MAN1C1: variants seen among roughly 807,000 people sequenced by gnomAD.
MAN1C1 encodes mannosyl-oligosaccharide 1,2-alpha-mannosidase IC.
A neutral mutation model predicts 71.5 loss-of-function variants in MAN1C1; 49 were observed. The observed-to-expected ratio is 0.69, with a 90% CI of 0.54 to 0.87. MAN1C1 has a LOEUF of 0.87. Ranked by LOEUF, MAN1C1 falls within the 40% of genes least tolerant of loss-of-function variation. The pLI is 0.00. For missense variants in MAN1C1, 743 were observed against 835.0 expected, an observed-to-expected ratio of 0.89 and a Z score of 1.36; for synonymous variants, 352 against 343.7, an observed-to-expected ratio of 1.02 and a Z score of -0.27.
chr1:25,627,336 C>A (rs1057447627), intron 1 of MAN1C1, among the ~76,000 whole-genome samples: 1 of 152,080 alleles, frequency 6.6e-6, no homozygotes, highest in African/African-American at 2.4e-5. Context: ...GGCTGGAGTG[C>A]GGTGGTGTGA....
chr1:25,778,083 C>T lies in MAN1C1; in HGVS notation c.1258-22C>T. The T allele has an allele frequency of 2.0e-6, 3 of 1,525,468 alleles. No individual in the cohort carries two copies. The highest frequency in any genetic ancestry group is 2.7e-6 in the Non-Finnish European group (3 of 1,129,980). 94.5% of individuals were successfully genotyped at this position (1,525,468 alleles called of 1,614,324 possible). On this transcript the variant is annotated intron_variant, in intron 8 of 11. Coordinates refer to ENST00000374332, the MANE Select transcript of MAN1C1 (RefSeq NM_020379.4). The surrounding 1 kb of genome is among the most constrained non-coding windows in gnomAD (Gnocchi z 5.5). ...GCCCTCCCACGCCCCTTCTCCCTGC[C>T]CAATCCCCACCTTGCTCCCAGGCGA...
chr1:25,636,805 A>G (rs978757662), intron 1 of MAN1C1, among the ~76,000 whole-genome samples: 1 of 152,222 alleles, frequency 6.6e-6, no homozygotes, highest in South Asian at 2.1e-4. Context: ...AATCTTCACA[A>G]TTTATGTTCC....
At chr1:25,683,659 G>T (rs374848685) in intron 1 of MAN1C1, among the ~76,000 whole-genome samples, 2 of 152,020 alleles carry the variant, frequency 1.3e-5, no homozygotes, top group Admixed American at 6.6e-5. Context: ...GCAGGGGGGT[G>T]GGGGGTAGGG....
chr1:25,748,223 C>T (rs956724264), intron 3 of MAN1C1, among the ~76,000 whole-genome samples: 5 of 152,148 alleles, frequency 3.3e-5, no homozygotes, highest in African/African-American at 7.2e-5. Context: ...TGGGGTCACT[C>T]GACCTCGAAC....
chr1:25,679,391 T>C (rs931027205), intron 1 of MAN1C1, among the ~76,000 whole-genome samples: 2 of 152,106 alleles, frequency 1.3e-5, no homozygotes, highest in Non-Finnish European at 2.9e-5. Context: ...GAGACGGACA[T>C]GAAGACCCAT....
intron 1 of MAN1C1, among the ~76,000 whole-genome samples, chr1:25,648,343 G>T (rs1271188319): frequency 6.6e-6 from 1 of 152,186 alleles, no homozygotes; most frequent in Non-Finnish European, 1.5e-5. Flanking sequence ...TCTTTTTGTT[G>T]TGTTGCACTT....
At chr1:25,756,193 A>C (rs1393913503) in intron 5 of MAN1C1, among the ~76,000 whole-genome samples, 5 of 152,250 alleles carry the variant, frequency 3.3e-5, no homozygotes, top group Non-Finnish European at 7.3e-5. Context: ...CATAATTTAT[A>C]CCTCACAATA....
intron 1 of MAN1C1, 63 bp downstream of exon 1, chr1:25,618,400 G>A: frequency 6.7e-7 from 1 of 1,483,092 alleles, no homozygotes. Flanking sequence ...AAGACCCTCT[G>A]GCGCTCCCAC....
At chr1:25,726,320 G>A (rs1006130454) in intron 2 of MAN1C1, among the ~76,000 whole-genome samples, 8 of 152,126 alleles carry the variant, frequency 5.3e-5, no homozygotes, top group Non-Finnish European at 4.4e-5. Flanking sequence ...TGCCCAACTC[G>A]TTCCTATTTA....
At chr1:25,673,368 T>A (rs1028210589) in intron 1 of MAN1C1, among the ~76,000 whole-genome samples, 4 of 152,202 alleles carry the variant, frequency 2.6e-5, no homozygotes, top group African/African-American at 9.7e-5. Context: ...GTATTGTGGC[T>A]GTGAGCACAG....
At position 25,775,535 on chromosome 1, in the gene MAN1C1, C is replaced by T. The variant is rs890184770; in HGVS notation, c.1258-2570C>T. ...GCTGCTGGTGGCTTCTGCTGTCACACGGCACTCAGAGTCTGAGAGAGAGAC... is the reference window on the plus strand; with the variant it reads ...GCTGCTGGTGGCTTCTGCTGTCACATGGCACTCAGAGTCTGAGAGAGAGAC... On this transcript the variant is annotated intron_variant, in intron 8 of 11. Transcript: ENST00000374332. The surrounding 1 kb of genome is among the most constrained non-coding windows in gnomAD (Gnocchi z 5.1). Among the ~76,000 whole-genome samples, 16 of 152,188 alleles carry T rather than the reference C, an allele frequency of 1.1e-4. No homozygotes were observed. The highest frequency in any genetic ancestry group is 1.0e-4 in the Non-Finnish European group (7 of 68,030).
chr1:25,708,486 T>TG (rs1434313076), intron 2 of MAN1C1, among the ~76,000 whole-genome samples: 13 of 152,330 alleles, frequency 8.5e-5, no homozygotes, highest in African/African-American at 3.1e-4. Context: ...TTGTGACCTG[T>TG]ATCTTCAGCT....
At chr1:25,681,099 AC>A (rs1164484087) in intron 1 of MAN1C1, among the ~76,000 whole-genome samples, 7 of 151,544 alleles carry the variant, frequency 4.6e-5, no homozygotes, top group Non-Finnish European at 8.8e-5. Context: ...AAAAAAGCAT[AC>A]CTGTAATCCC....
At chr1:25,667,070 C>G (rs1460138964) in intron 1 of MAN1C1, among the ~76,000 whole-genome samples, 2 of 152,078 alleles carry the variant, frequency 1.3e-5, no homozygotes, top group Admixed American at 1.3e-4. Flanking sequence ...AGCAGCAGAC[C>G]TAGAGAAGGT....
chr1:25,653,973 G>T (rs1365629699), intron 1 of MAN1C1, among the ~76,000 whole-genome samples: 1 of 152,132 alleles, frequency 6.6e-6, no homozygotes, highest in Non-Finnish European at 1.5e-5. Flanking sequence ...ATAACCAAAG[G>T]ATAGCATCCA....
At chr1:25,768,727 T>C (rs1572208498) in intron 7 of MAN1C1, among the ~76,000 whole-genome samples, 3 of 76,334 alleles carry the variant, frequency 3.9e-5, no homozygotes, top group Admixed American at 1.5e-4. Context: ...TCCCCCTACA[T>C]ACACTCCCCT....
chr1:25,747,158 G>T (rs1003558109), intron 3 of MAN1C1, among the ~76,000 whole-genome samples: 1 of 152,240 alleles, frequency 6.6e-6, no homozygotes, highest in Non-Finnish European at 1.5e-5. Context: ...GTGGAGGGGG[G>T]ACGTGGCTCA....
chr1:25,618,085 C>A lies in MAN1C1; in HGVS notation c.288C>A (p.Pro96=). ...CGCCGGCCCCGGGCGAGGATGACCC[C>A]AGCAGCTGGGCCAGTCCCCGCCGCA... ...PAAPAPGEDD[P]SSWASPRRRK... Residue 96 remains proline, a synonymous_variant, in exon 1 of 12, where the codon CCC becomes CCA. Transcript: ENST00000374332. 1 of 1,526,636 alleles carries A rather than the reference C, an allele frequency of 6.6e-7. No homozygotes were observed. The allele number at this position is 1,526,636 out of a possible 1,614,324, so 94.6% of individuals were successfully genotyped here.
intron 1 of MAN1C1, among the ~76,000 whole-genome samples, chr1:25,636,098 A>G (rs1451828437): frequency 2.0e-5 from 3 of 152,206 alleles, no homozygotes; most frequent in African/African-American, 7.2e-5. Context: ...ACATGCTTCA[A>G]AGGGCAAAAG....
Sources: allele counts gnomAD v4.1 joint callset (sites outside exome capture counted in the v4.1 genomes callset), GRCh38; gene constraint gnomAD v4.1.1; non-coding constraint Gnocchi (gnomAD v3.1); transcripts MANE v1.5; gene names NCBI Gene and HGNC (gene_info 2026-07-23, HGNC 2026-07-21).